Variants in ACSBG2 observed in about 807,000 individuals in gnomAD.
ACSBG2 encodes the protein long-chain-fatty-acid--CoA ligase ACSBG2.
A neutral mutation model predicts 74.7 loss-of-function variants in ACSBG2; 62 were observed. The ratio of observed to expected loss-of-function variants is 0.83; its 90% CI spans 0.68 to 1.03. The LOEUF (loss-of-function observed/expected upper bound fraction) is 1.03. Ranked by LOEUF, ACSBG2 falls within the 50% of genes least tolerant of loss-of-function variation. The pLI is 0.00. For synonymous variants in ACSBG2, 309 were observed against 294.1 expected, an observed-to-expected ratio of 1.05 and a Z score of -0.52; for missense variants, 730 against 817.6, an observed-to-expected ratio of 0.89 and a Z score of 1.31.
chr19:6,156,099 T>C (rs910637056), intron 4 of ACSBG2, among the ~76,000 whole-genome samples: 1 of 152,090 alleles, frequency 6.6e-6, no homozygotes, highest in Non-Finnish European at 1.5e-5. Context: ...GAACAGAGGC[T>C]GAGTCAGGAG....
chr19:6,149,033 G>C (rs1250509753), intron 3 of ACSBG2, among the ~76,000 whole-genome samples: 4 of 152,062 alleles, frequency 2.6e-5, no homozygotes, highest in Non-Finnish European at 4.4e-5. Flanking sequence ...CTTGAACCCG[G>C]GAGGCAGAGG....
At chr19:6,171,260 T>C (rs2089955653) in intron 7 of ACSBG2, among the ~76,000 whole-genome samples, 1 of 152,202 alleles carries the variant, frequency 6.6e-6, no homozygotes. Flanking sequence ...GTTTTGTTCC[T>C]GTCATGTGTT....
intron 1 of ACSBG2, among the ~76,000 whole-genome samples, chr19:6,137,728 A>C (rs1162037803): frequency 6.6e-6 from 1 of 151,840 alleles, no homozygotes; most frequent in Non-Finnish European, 1.5e-5. Flanking sequence ...GCTCACTGCA[A>C]CCTCTGCCTC....
At chr19:6,138,045 C>T (rs914459471) in intron 1 of ACSBG2, among the ~76,000 whole-genome samples, 2 of 152,180 alleles carry the variant, frequency 1.3e-5, no homozygotes, top group South Asian at 2.1e-4. Flanking sequence ...ACCTATCACT[C>T]GGCTCCAACT....
chr19:6,170,445 CT>C (rs1445870295), intron 7 of ACSBG2, among the ~76,000 whole-genome samples: 1 of 152,036 alleles, frequency 6.6e-6, no homozygotes, highest in Non-Finnish European at 1.5e-5. Flanking sequence ...TAAAAAGTAT[CT>C]TTATTTTCAT....
rs1243946464 is a variant in ACSBG2, at chr19:6,192,715, TAGA to T, written c.*86_*88del. On this transcript the variant is annotated 3_prime_UTR_variant, in exon 15 of 15. Coordinates refer to ENST00000588485, the MANE Select transcript of ACSBG2 (RefSeq NM_030924.5). ...GCAATAAGTGAAATGCTGCTCTAGG[TAGA>T]AGCTCTCCCTGCTGTTTTTAAGAAG... The T allele has an allele frequency of 6.6e-6, 1 of 152,208 alleles. No individual in the cohort carries two copies. The highest frequency in any genetic ancestry group is 1.5e-5 in the Non-Finnish European group (1 of 68,032). The allele number at this position is 152,208 out of a possible 1,614,324, so 9.4% of individuals were successfully genotyped here. A position where few individuals can be genotyped will look rare whatever the true frequency, so the allele number is the denominator to read the frequency against.
intron 14 of ACSBG2, chr19:6,192,089 A>AG (rs1297484025): frequency 8.6e-5 from 13 of 151,822 alleles, no homozygotes; most frequent in African/African-American, 3.1e-4. Flanking sequence ...AAAAAAAAAA[A>AG]AAAAAAATAG....
chr19:6,182,706 G>A (rs746577188), intron 8 of ACSBG2, 45 bp from the exon 9 acceptor site: 1 of 1,580,708 alleles, frequency 6.3e-7, no homozygotes, highest in East Asian at 2.2e-5. Context: ...CATCCCTGGT[G>A]CACGGAAGGC....
intron 2 of ACSBG2, among the ~76,000 whole-genome samples, chr19:6,142,727 T>C (rs1216590455): frequency 2.2e-5 from 3 of 135,290 alleles, no homozygotes; most frequent in Non-Finnish European, 4.6e-5. Context: ...CACTCCAGCC[T>C]GGGTGACAGA....
chr19:6,171,645 T>G (rs1263468694), intron 7 of ACSBG2, among the ~76,000 whole-genome samples: 3 of 152,152 alleles, frequency 2.0e-5, no homozygotes, highest in African/African-American at 4.8e-5. Context: ...GCCTTTAAGA[T>G]TTATTTTTTT....
In ACSBG2 at chr19:6,187,738, T is replaced by G; in HGVS notation, c.1820T>G (p.Ile607Ser). 1 of 1,614,020 alleles carries G rather than the reference T, an allele frequency of 6.2e-7. No individual in the cohort carries two copies. Among genetic ancestry groups the G allele is most frequent in the Non-Finnish European group, 8.5e-7 (1 of 1,179,998 alleles). ...KQQDPLVYKA[I>S]QQGINAVNQE... Reference sequence around the variant, plus strand: ...CAAGACCCCCTGGTCTACAAGGCCATCCAGCAAGGCATCAATGCTGTGAAC... The same window carrying G: ...CAAGACCCCCTGGTCTACAAGGCCAGCCAGCAAGGCATCAATGCTGTGAAC... Residue 607 changes from isoleucine (I) to serine (S), a missense_variant, in exon 13 of 15, where the codon ATC becomes AGC. Ile to Ser is a moderately radical substitution (Grantham distance 142, BLOSUM62 -2). Coordinates refer to ENST00000588485, the MANE Select transcript of ACSBG2 (RefSeq NM_030924.5).
chr19:6,159,961 T>C (rs1038559399), intron 5 of ACSBG2, among the ~76,000 whole-genome samples: 3 of 152,342 alleles, frequency 2.0e-5, no homozygotes, highest in African/African-American at 7.2e-5. Context: ...GCTTCTGCCA[T>C]CTTTTCTCTC....
intron 7 of ACSBG2, among the ~76,000 whole-genome samples, chr19:6,166,378 G>A (rs1019786418): frequency 2.0e-5 from 3 of 148,034 alleles, no homozygotes; most frequent in Non-Finnish European, 3.0e-5. Flanking sequence ...GTGCAGTGGC[G>A]CAATCTTGGC....
intron 7 of ACSBG2, among the ~76,000 whole-genome samples, chr19:6,173,730 G>A (rs1174648066): frequency 6.6e-6 from 1 of 152,104 alleles, no homozygotes; most frequent in Non-Finnish European, 1.5e-5. Flanking sequence ...GACATCTGAT[G>A]TCCGTTGTCA....
At chr19:6,184,984 G>A (rs908443249) in intron 10 of ACSBG2, among the ~76,000 whole-genome samples, 4 of 151,682 alleles carry the variant, frequency 2.6e-5, no homozygotes, top group Admixed American at 1.3e-4. Flanking sequence ...GTACAGTGGC[G>A]TGATCACTAC....
At chr19:6,166,280 T>TTGTGTGTGTG (rs35422900) in intron 7 of ACSBG2, among the ~76,000 whole-genome samples, 2,288 of 119,078 alleles carry the variant, frequency 0.019, 64 homozygotes, top group African/African-American at 0.034. Flanking sequence ...GTCAGGAAGG[T>TTGTGTGTGTG]TGTGTGTGTG....
At position 6,144,177 on chromosome 19, in the gene ACSBG2, T is replaced by C. The variant is rs139254441; in HGVS notation, c.67+2567T>C. ...CACGCCTGGCTAATTTTTGTATTTT[T>C]AGTAGATACAGGGTTTCGCCATGTT... On this transcript the variant is annotated intron_variant, in intron 2 of 14. Transcript: ENST00000588485. Among the ~76,000 whole-genome samples, 166 of 152,272 alleles carry C rather than the reference T, an allele frequency of 1.1e-3. 1 individual carries two copies. Among genetic ancestry groups the C allele is most frequent in the African/African-American group, 3.8e-3 (158 of 41,556 alleles).
chr19:6,158,371 C>A (rs149452304), intron 5 of ACSBG2, among the ~76,000 whole-genome samples: 1 of 150,958 alleles, frequency 6.6e-6, no homozygotes, highest in Non-Finnish European at 1.5e-5. Context: ...TTACAATTTT[C>A]TTTTGCATTG....
chr19:6,189,998 G>GT (rs1198369691), intron 13 of ACSBG2: 1 of 153,626 alleles, frequency 6.5e-6, no homozygotes, highest in Non-Finnish European at 1.4e-5. Flanking sequence ...GTGAGCCACC[G>GT]TGCCTGGCCG....
Sources: gnomAD v4.1 joint callset for allele counts (sites outside exome capture counted in the v4.1 genomes callset) on GRCh38, gnomAD v4.1.1 for gene constraint, MANE v1.5 for transcripts, NCBI Gene and HGNC (gene_info 2026-07-23, HGNC 2026-07-21) for gene names.